The following SBF2 variants were observed in gnomAD, a reference collection of about 807,000 sequenced individuals.
SBF2 encodes SET binding factor 2, also known as myotubularin-related protein 13.
In SBF2, 112 loss-of-function variants were observed where a neutral mutation model predicts 225.2. That is an observed-to-expected ratio of 0.50 (90% CI 0.43 to 0.58). SBF2 has a LOEUF of 0.58. Ranked by LOEUF, SBF2 falls within the 20% of genes least tolerant of loss-of-function variation. The pLI is 0.00. For missense variants in SBF2, 1,996 were observed against 2,206.2 expected, an observed-to-expected ratio of 0.90 and a Z score of 1.91; for synonymous variants, 763 against 773.3, an observed-to-expected ratio of 0.99 and a Z score of 0.22.
intron 2 of SBF2, among the ~76,000 whole-genome samples, chr11:10,173,086 T>C (rs928980548): frequency 2.6e-5 from 4 of 152,244 alleles, no homozygotes; most frequent in East Asian, 1.9e-4. Context: ...TTCTATTCTA[T>C]TGTGGTCAGA....
At chr11:10,103,903 A>G (rs757058922) in intron 2 of SBF2, among the ~76,000 whole-genome samples, 1 of 152,168 alleles carries the variant, frequency 6.6e-6, no homozygotes, top group Non-Finnish European at 1.5e-5. Flanking sequence ...CAACATAGTC[A>G]GACCTCATTG....
At chr11:10,006,528 T>G (rs1763126525) in intron 6 of SBF2, among the ~76,000 whole-genome samples, 1 of 152,208 alleles carries the variant, frequency 6.6e-6, no homozygotes, top group South Asian at 2.1e-4. Flanking sequence ...TTGCTTTTTT[T>G]GAGTTAGCAC....
chr11:10,055,380 C>A (rs1950215416), intron 2 of SBF2, among the ~76,000 whole-genome samples: 1 of 152,120 alleles, frequency 6.6e-6, no homozygotes, highest in African/African-American at 2.4e-5. Flanking sequence ...AATCCCACTA[C>A]TGGGTGTCTT....
At chr11:9,903,947 G>C (rs368965507) in intron 16 of SBF2, among the ~76,000 whole-genome samples, 2 of 151,996 alleles carry the variant, frequency 1.3e-5, no homozygotes, top group African/African-American at 2.4e-5. Context: ...AGTGTACCAG[G>C]TGTGGACAAT....
At chr11:10,227,374 T>C (rs1053897804) in intron 1 of SBF2, among the ~76,000 whole-genome samples, 1 of 152,204 alleles carries the variant, frequency 6.6e-6, no homozygotes, top group East Asian at 1.9e-4. Flanking sequence ...GCTTTTGGTG[T>C]TTTAGACATG....
Position 10,278,265 on chromosome 11 carries a change from G to T in SBF2, c.55+15750C>A, listed in dbSNP as rs1465380238. 2.0e-5 allele frequency among the ~76,000 whole-genome samples: 3 copies of T among 152,248 alleles called. No homozygotes were observed. In the East Asian group the frequency reaches 5.8e-4, roughly 29 times the overall value. On this transcript the variant is annotated intron_variant, in intron 1 of 39. Coordinates refer to ENST00000256190, the MANE Select transcript of SBF2 (RefSeq NM_030962.4). ...AAAAACTTATGAAAAATTTTATGAT[G>T]AAGACATTGATAAGTATATGGGAAA...
chr11:9,853,261 T>G (rs1339588646), intron 20 of SBF2, among the ~76,000 whole-genome samples: 2 of 152,168 alleles, frequency 1.3e-5, no homozygotes, highest in Non-Finnish European at 2.9e-5. Flanking sequence ...AGTTACTGCT[T>G]AATGGGTAGA....
chr11:9,846,633 A>T (rs1856568536), intron 23 of SBF2, among the ~76,000 whole-genome samples: 1 of 152,214 alleles, frequency 6.6e-6, no homozygotes, highest in African/African-American at 2.4e-5. Context: ...TGACAAGATA[A>T]TTGCTTTTTA....
chr11:10,210,191 C>T (rs1369591588), intron 1 of SBF2, among the ~76,000 whole-genome samples: 1 of 151,966 alleles, frequency 6.6e-6, no homozygotes, highest in Non-Finnish European at 1.5e-5. Flanking sequence ...ACCTGTGGTC[C>T]CAGCTACACA....
chr11:9,943,005 AAG>A (rs923634174), intron 16 of SBF2, among the ~76,000 whole-genome samples: 1 of 151,246 alleles, frequency 6.6e-6, no homozygotes, highest in Non-Finnish European at 1.5e-5. Flanking sequence ...GAAAGAAAGA[AAG>A]AAAGAGAAAG....
chr11:9,831,154 C>T (rs546351159), intron 27 of SBF2, among the ~76,000 whole-genome samples: 1 of 152,192 alleles, frequency 6.6e-6, no homozygotes, highest in Admixed American at 6.5e-5. Context: ...CGTGCCACCA[C>T]GCCTGGCTAA....
chr11:10,009,948 C>A (rs536911213), intron 6 of SBF2, among the ~76,000 whole-genome samples: 1 of 152,334 alleles, frequency 6.6e-6, no homozygotes, highest in African/African-American at 2.4e-5. Context: ...GCCATTGTAG[C>A]TGGCATGACA....
At chr11:10,295,126 G>A (rs1299910140), upstream of SBF2, among the ~76,000 whole-genome samples, 1 of 152,208 alleles carries the variant, frequency 6.6e-6, no homozygotes, top group Non-Finnish European at 1.5e-5. Flanking sequence ...ATTTGTACAA[G>A]TGGTAGACCA....
chr11:10,002,730 T>G (rs1235361629), intron 6 of SBF2, 41 bp from the exon 7 acceptor site: 10 of 1,587,394 alleles, frequency 6.3e-6, no homozygotes, highest in African/African-American at 1.3e-5. Context: ...GCATTTAATT[T>G]TATATGTGTT....
At chr11:9,825,656 G>C (rs943181550) in intron 28 of SBF2, among the ~76,000 whole-genome samples, 2 of 152,172 alleles carry the variant, frequency 1.3e-5, no homozygotes, top group East Asian at 3.8e-4. Flanking sequence ...AGTGAATTTT[G>C]TAAAGTAGAA....
intron 35 of SBF2, 127 bp from the exon 36 acceptor site, chr11:9,787,865 G>C (rs1354498607): frequency 2.6e-6 from 2 of 775,030 alleles, no homozygotes; most frequent in Non-Finnish European, 2.2e-6. Flanking sequence ...GAAAGTGGTG[G>C]ACATGGGCCT....
intron 16 of SBF2, among the ~76,000 whole-genome samples, chr11:9,947,710 G>A (rs145987667): frequency 9.5e-4 from 144 of 152,108 alleles, no homozygotes; most frequent in East Asian, 3.5e-3. Context: ...CACCACTCCC[G>A]TTAGGGAGAT....
At chr11:10,051,121 T>C (rs1346831381) in intron 2 of SBF2, among the ~76,000 whole-genome samples, 1 of 152,154 alleles carries the variant, frequency 6.6e-6, no homozygotes, top group Non-Finnish European at 1.5e-5. Context: ...TTAAATTGAA[T>C]GATCTCTTGA....
rs1006945467 is a variant in SBF2 at position 9,868,380 on chromosome 11, T to C, written c.1930-9984A>G. Among the ~76,000 whole-genome samples, 9 of 122,232 alleles carry C rather than the reference T, an allele frequency of 7.4e-5. No individual in the cohort carries two copies. The South Asian group carries it at 1.4e-3, about 19-fold the overall frequency. 80.2% of individuals were successfully genotyped at this position (122,232 alleles called of 152,430 possible). A position where few individuals can be genotyped will look rare whatever the true frequency, so the allele number is the denominator to read the frequency against. The stretch of plus-strand genomic sequence containing the variant: ...AAAAAAAAAAAAAATTAGGCGGGTG[T>C]GGTGGCGGGCGCCTGTAGTCCCAGC... On this transcript the variant is annotated intron_variant, in intron 17 of 39. Transcript: ENST00000256190.
Sources: gnomAD v4.1 joint callset for allele counts (sites outside exome capture counted in the v4.1 genomes callset) on GRCh38, gnomAD v4.1.1 for gene constraint, MANE v1.5 for transcripts, NCBI Gene and HGNC (gene_info 2026-07-23, HGNC 2026-07-21) for gene names.